PCDHA13: variants seen among roughly 807,000 people sequenced by gnomAD.
The protein encoded by PCDHA13 is protocadherin alpha 13, also known as protocadherin alpha-13.
PCDHA13 carries 54 observed loss-of-function variants against 64.8 expected under a neutral mutation model. The observed-to-expected ratio is 0.83, with a 90% CI of 0.67 to 1.04. PCDHA13 has a LOEUF of 1.04. Among genes scored for constraint, PCDHA13 ranks in the 50% least tolerant of loss-of-function variants. The pLI, the probability that PCDHA13 is intolerant of heterozygous loss-of-function variation, is 0.00. For missense variants in PCDHA13, 1,248 were observed against 1,254.3 expected (o/e 0.99, Z 0.08); for synonymous variants, 587 against 564.4 (o/e 1.04, Z -0.57).
Position 141,000,421 on chromosome 5 carries a change from A to ATTTT in PCDHA13, c.2543-9186_2543-9183dup, listed in dbSNP as rs34755515. ...TATATATATATATATATATATATAT[A>ATTTT]TTTTTTTTTTTTTTTTTTTTTTTGA... On this transcript the variant is annotated intron_variant, in intron 3 of 3. Transcript: ENST00000289272. Among the ~76,000 whole-genome samples the ATTTT allele has an allele frequency of 6.1e-3, 170 of 27,980 alleles. 16 individuals carry two copies. The highest frequency in any genetic ancestry group is 7.4e-3 in the Non-Finnish European group (131 of 17,660). The allele number at this position is 27,980 out of a possible 152,430, so 18.4% of individuals were successfully genotyped here.
chr5:140,959,696 G>A (rs1344206142), intron 1 of PCDHA13, among the ~76,000 whole-genome samples: 1 of 152,098 alleles, frequency 6.6e-6, no homozygotes, highest in Non-Finnish European at 1.5e-5. Flanking sequence ...AATAAAATGA[G>A]CTTTGAAAGG....
In PCDHA13 at chr5:140,883,493, C is replaced by G; in HGVS notation, c.1225C>G (p.Leu409Val). Residue 409 changes from leucine (L) to valine (V), a missense_variant, in exon 1 of 4, where the codon CTG (leucine) becomes GTG (valine). Leu to Val is a conservative substitution (Grantham distance 32). Coordinates refer to ENST00000289272, the MANE Select transcript of PCDHA13 (RefSeq NM_018904.3). ...CTACAAGAACTACTACTCATTAGTG[C>G]TGGACAGCGCCCTGGACCGCGAGAG... ...STYKNYYSLV[L>V]DSALDRESVS... 6.2e-7 allele frequency: 1 copy of G among 1,614,174 alleles called. No individual in the cohort carries two copies. The highest frequency in any genetic ancestry group is 8.5e-7 in the Non-Finnish European group (1 of 1,180,058).
At chr5:140,935,245 T>A (rs1409133658) in intron 1 of PCDHA13, among the ~76,000 whole-genome samples, 1 of 152,200 alleles carries the variant, frequency 6.6e-6, no homozygotes, top group Non-Finnish European at 1.5e-5. Flanking sequence ...TTTTAAAAGA[T>A]AAAATACATC....
At chr5:140,991,411 C>G (rs905076175) in intron 3 of PCDHA13, among the ~76,000 whole-genome samples, 8 of 152,156 alleles carry the variant, frequency 5.3e-5, no homozygotes, top group Admixed American at 5.2e-4. Flanking sequence ...TCCCATTATG[C>G]TATAACAAAT....
chr5:140,987,811 CTT>C (rs1444999429), intron 3 of PCDHA13, among the ~76,000 whole-genome samples: 7 of 152,218 alleles, frequency 4.6e-5, no homozygotes, highest in African/African-American at 1.7e-4. Flanking sequence ...GTGCCTGTCT[CTT>C]TGTTTCCTTA....
At chr5:140,925,787 C>T (rs972978659) in intron 1 of PCDHA13, among the ~76,000 whole-genome samples, 2 of 152,040 alleles carry the variant, frequency 1.3e-5, no homozygotes, top group Admixed American at 6.6e-5. Context: ...TAATGAGTAT[C>T]TCAGTACTTT....
chr5:141,008,437 C>T (rs1261106138), intron 3 of PCDHA13, among the ~76,000 whole-genome samples: 1 of 152,182 alleles, frequency 6.6e-6, no homozygotes. Context: ...TTTGCCCAGA[C>T]AGACCATTAC....
chr5:140,908,256 A>G (rs192899359), intron 1 of PCDHA13, among the ~76,000 whole-genome samples: 9 of 152,248 alleles, frequency 5.9e-5, no homozygotes, highest in Non-Finnish European at 1.0e-4. Flanking sequence ...AACTGATCAT[A>G]GGGAACTCCC....
intron 1 of PCDHA13, among the ~76,000 whole-genome samples, chr5:140,918,473 T>A (rs1385942505): frequency 6.6e-6 from 1 of 152,166 alleles, no homozygotes; most frequent in African/African-American, 2.4e-5. Context: ...ATTCCAAGTC[T>A]CAAGGGGAAT....
In PCDHA13 at chr5:141,010,994, G is replaced by A. The variant is rs1338532762; in HGVS notation, c.*1057G>A. ...TTTAAGAGAATTGCCTGAAACATCTGTATTATATCGGCCACCTGCCAATCA... is the reference window on the plus strand; with the variant it reads ...TTTAAGAGAATTGCCTGAAACATCTATATTATATCGGCCACCTGCCAATCA... On this transcript the variant is annotated 3_prime_UTR_variant, in exon 4 of 4. Transcript: ENST00000289272. The A allele has an allele frequency of 6.5e-6, 1 of 153,710 alleles. No homozygotes were observed. The highest frequency in any genetic ancestry group is 1.5e-5 in the Non-Finnish European group (1 of 68,046). The allele number at this position is 153,710 out of a possible 1,614,324, so 9.5% of individuals were successfully genotyped here.
chr5:140,928,904 G>T, intron 1 of PCDHA13: 1 of 1,614,180 alleles, frequency 6.2e-7, no homozygotes, highest in Non-Finnish European at 8.5e-7. Flanking sequence ...GAAGATGTCT[G>T]GGAACCAGGA....
chr5:140,936,037 C>A (rs2090734622), intron 1 of PCDHA13, among the ~76,000 whole-genome samples: 2 of 151,862 alleles, frequency 1.3e-5, no homozygotes, highest in Non-Finnish European at 1.5e-5. Flanking sequence ...GGATTACAGG[C>A]ACCCACCACC....
At chr5:140,917,301 G>T (rs2078005324) in intron 1 of PCDHA13, among the ~76,000 whole-genome samples, 1 of 138,576 alleles carries the variant, frequency 7.2e-6, no homozygotes, top group Non-Finnish European at 1.5e-5. Flanking sequence ...GCAGATAGTT[G>T]TTACAATTTG....
chr5:140,918,895 A>G (rs1319042193), intron 1 of PCDHA13, among the ~76,000 whole-genome samples: 2 of 152,206 alleles, frequency 1.3e-5, no homozygotes, highest in East Asian at 3.9e-4. Flanking sequence ...TGAAAAATAA[A>G]TCTCTCTTGT....
intron 1 of PCDHA13, among the ~76,000 whole-genome samples, chr5:140,971,158 C>T (rs1554233066): frequency 6.6e-6 from 1 of 152,172 alleles, no homozygotes; most frequent in African/African-American, 2.4e-5. Context: ...AGGCCAGGCT[C>T]AGCTTTGCCA....
chr5:140,979,405 C>A (rs2096849045), intron 2 of PCDHA13, among the ~76,000 whole-genome samples: 1 of 151,828 alleles, frequency 6.6e-6, no homozygotes, highest in Non-Finnish European at 1.5e-5. Flanking sequence ...TGTTGTCTAC[C>A]TTGTTTTTTT....
intron 1 of PCDHA13, among the ~76,000 whole-genome samples, chr5:140,892,835 A>G (rs2063695508): frequency 6.6e-6 from 1 of 152,200 alleles, no homozygotes. Context: ...ACAGTGCTGC[A>G]AAACACCACA....
chr5:141,011,509 G>C lies in PCDHA13; in HGVS notation c.*1572G>C, dbSNP rs2098420853. ...TTTTGTACACCTGTGAAAAAGTGGA[G>C]TAGTGTTTTTTTAACCATTGTTAAT... is the stretch of plus-strand genomic sequence containing the variant. On this transcript the variant is annotated 3_prime_UTR_variant, in exon 4 of 4. Coordinates refer to ENST00000289272, the MANE Select transcript of PCDHA13 (RefSeq NM_018904.3). The C allele has an allele frequency of 6.5e-6, 1 of 153,760 alleles. No individual in the cohort carries two copies. The highest frequency in any genetic ancestry group is 1.5e-5 in the Non-Finnish European group (1 of 68,040). The allele number at this position is 153,760 out of a possible 1,614,324, so 9.5% of individuals were successfully genotyped here.
chr5:141,003,254 G>A (rs782245010), intron 3 of PCDHA13, among the ~76,000 whole-genome samples: 17 of 152,190 alleles, frequency 1.1e-4, no homozygotes, highest in Non-Finnish European at 2.1e-4. Flanking sequence ...AAGATTCCTG[G>A]GCAGTGCCTA....
Sources: gnomAD v4.1 joint callset for allele counts (sites outside exome capture counted in the v4.1 genomes callset) on GRCh38, gnomAD v4.1.1 for gene constraint, MANE v1.5 for transcripts, NCBI Gene and HGNC (gene_info 2026-07-23, HGNC 2026-07-21) for gene names.